CDC5L: variants seen among roughly 807,000 people sequenced by gnomAD.
CDC5L encodes cell division cycle 5-like protein.
A neutral mutation model predicts 104.1 loss-of-function variants in CDC5L; 18 were observed. The ratio of observed to expected loss-of-function variants is 0.17; its 90% CI spans 0.12 to 0.26. The LOEUF (loss-of-function observed/expected upper bound fraction) is 0.26. Ranked by LOEUF, CDC5L falls within the 10% of genes least tolerant of loss-of-function variation. The probability of loss-of-function intolerance (pLI) is 1.00; values close to 1 mark genes in which losing one functional copy is unlikely to be tolerated. For synonymous variants in CDC5L, 331 were observed against 322.7 expected, an observed-to-expected ratio of 1.03 and a Z score of -0.28; for missense variants, 673 against 956.9, an observed-to-expected ratio of 0.70 and a Z score of 3.91.
intron 4 of CDC5L, among the ~76,000 whole-genome samples, chr6:44,395,442 C>T (rs1790827731): frequency 6.6e-6 from 1 of 152,188 alleles, no homozygotes; most frequent in South Asian, 2.1e-4. Flanking sequence ...AGCTGTTTGA[C>T]CTTAGACAAG....
chr6:44,395,036 A>G (rs1790806305), intron 4 of CDC5L, among the ~76,000 whole-genome samples: 1 of 152,176 alleles, frequency 6.6e-6, no homozygotes, highest in Non-Finnish European at 1.5e-5. Context: ...AATACTGCAT[A>G]TTCTTCCTCA....
chr6:44,427,686 G>A (rs911227092), intron 13 of CDC5L, among the ~76,000 whole-genome samples: 2 of 152,006 alleles, frequency 1.3e-5, no homozygotes, highest in Non-Finnish European at 2.9e-5. Context: ...TCATTTTTTA[G>A]TAAGTGCAGT....
At chr6:44,424,111 CT>C (rs200199886) in intron 10 of CDC5L, among the ~76,000 whole-genome samples, 4 of 151,878 alleles carry the variant, frequency 2.6e-5, no homozygotes, top group Non-Finnish European at 4.4e-5. Flanking sequence ...TTTTTTGAGA[CT>C]TTTTTTCTCT....
chr6:44,435,631 T>C (rs1406641179), intron 14 of CDC5L: 1 of 153,382 alleles, frequency 6.5e-6, no homozygotes, highest in Non-Finnish European at 1.5e-5. Context: ...TATTGGACTT[T>C]CAAATAGGGC....
chr6:44,426,400 G>A (rs1167908075), intron 12 of CDC5L, 82 bp from the exon 13 acceptor site: 2 of 911,136 alleles, frequency 2.2e-6, no homozygotes, highest in African/African-American at 1.7e-5. Flanking sequence ...TAAAACCGCT[G>A]TTTAATTCAT....
At chr6:44,411,966 A>G (rs1020043806) in intron 8 of CDC5L, among the ~76,000 whole-genome samples, 1 of 152,184 alleles carries the variant, frequency 6.6e-6, no homozygotes, top group Admixed American at 6.5e-5. Flanking sequence ...GAGAAAACCT[A>G]ACCACTCACA....
intron 10 of CDC5L, 95 bp from the exon 11 acceptor site, chr6:44,424,324 T>C: frequency 9.6e-7 from 1 of 1,037,020 alleles, no homozygotes; most frequent in Non-Finnish European, 1.4e-6. Flanking sequence ...TTGACTAGAG[T>C]CACCCTGTTG....
Position 44,424,286 on chromosome 6 carries a change from CTTAG to C in CDC5L, c.1405-129_1405-126del, listed in dbSNP as rs2153381454. On this transcript the variant is annotated intron_variant, in intron 10 of 15. Transcript: ENST00000371477. ...TTGTGTTTGAAACCATCCAATTATTCTTAGTTATTTTAAAATGTACAGTTATTTT... is the reference window on the plus strand; with the variant it reads ...TTGTGTTTGAAACCATCCAATTATTCTTATTTTAAAATGTACAGTTATTTT... 6.6e-6 allele frequency: 5 copies of C among 755,474 alleles called. No homozygotes were observed. In the East Asian group the frequency reaches 8.0e-5, roughly 12 times the overall value. 46.8% of individuals were successfully genotyped at this position (755,474 alleles called of 1,614,324 possible).
Position 44,403,850 on chromosome 6 carries a change from C to G in CDC5L, c.581C>G (p.Ala194Gly). 2 of 1,612,076 alleles carry G rather than the reference C, an allele frequency of 1.2e-6. No homozygotes were observed. The highest frequency in any genetic ancestry group is 1.7e-6 in the Non-Finnish European group (2 of 1,179,502). ...ALQKRRELRAAGIEIQKKRKR... is the reference protein window; with the variant it reads ...ALQKRRELRAGGIEIQKKRKR... Reference sequence around the variant, plus strand: ...CAAAAAAGAAGAGAACTTCGAGCAGCTGGCATAGAAATTCAGAAGAAAAGA... The same window carrying G: ...CAAAAAAGAAGAGAACTTCGAGCAGGTGGCATAGAAATTCAGAAGAAAAGA... Residue 194 changes from alanine to glycine, a missense_variant, in exon 6 of 16, where the codon GCT becomes GGT. Coordinates refer to ENST00000371477, the MANE Select transcript of CDC5L (RefSeq NM_001253.4).
intron 14 of CDC5L, among the ~76,000 whole-genome samples, chr6:44,444,246 T>C (rs1793344647): frequency 6.6e-6 from 1 of 152,232 alleles, no homozygotes; most frequent in South Asian, 2.1e-4. Flanking sequence ...GTGTTGTGGC[T>C]GCACTCTACG....
In CDC5L at chr6:44,433,241, C is replaced by A. The variant is rs570952209; in HGVS notation, c.2091+3331C>A. On this transcript the variant is annotated intron_variant, in intron 14 of 15. Transcript: ENST00000371477. ...GGATAACAGCAAGGAACAAGGCAGA[C>A]AAGTTCTCTGTGTTTGTGGGCTTCA... is the stretch of plus-strand genomic sequence containing the variant. Among the ~76,000 whole-genome samples, 5 of 152,258 alleles carry A rather than the reference C, an allele frequency of 3.3e-5. No homozygotes were observed. The South Asian group carries it at 8.3e-4, about 25-fold the overall frequency.
chr6:44,426,533 T>A lies in CDC5L; in HGVS notation c.1702T>A (p.Leu568Ile). 1 of 1,599,664 alleles carries A rather than the reference T, an allele frequency of 6.3e-7. No homozygotes were observed. Among genetic ancestry groups the A allele is most frequent in the Non-Finnish European group, 8.6e-7 (1 of 1,167,296 alleles). Residue 568 changes from leucine (L) to isoleucine (I), a missense_variant, in exon 13 of 16, where the codon TTA becomes ATA. Transcript: ENST00000371477. ...AAATGTAGAACCGCCTTTAACAGATTTACAGAAAAGTGAAGAACTAATCAA... is the reference window on the plus strand; with the variant it reads ...AAATGTAGAACCGCCTTTAACAGATATACAGAAAAGTGAAGAACTAATCAA... Reference protein sequence around the residue: ...PLNVEPPLTDLQKSEELIKKE... With the variant: ...PLNVEPPLTDIQKSEELIKKE...
At chr6:44,388,875 C>T (rs11571902) in intron 1 of CDC5L, among the ~76,000 whole-genome samples, 3 of 152,054 alleles carry the variant, frequency 2.0e-5, no homozygotes, top group Non-Finnish European at 2.9e-5. Context: ...GTGTGGTACT[C>T]GGTAAGTTTC....
chr6:44,425,530 CAG>C (rs11572018), intron 11 of CDC5L, among the ~76,000 whole-genome samples: 14,508 of 152,068 alleles, frequency 0.095, 1,455 homozygotes, highest in East Asian at 0.55. Flanking sequence ...CCTTGAATCT[CAG>C]GGGATTGGAG....
rs556470735 is a variant in CDC5L at position 44,409,459 on chromosome 6, T to G, written c.1092+827T>G. 5.2e-5 allele frequency among the ~76,000 whole-genome samples: 8 copies of G among 152,392 alleles called. No individual in the cohort carries two copies. In the South Asian group the frequency reaches 1.7e-3, roughly 32 times the overall value. On this transcript the variant is annotated intron_variant, in intron 8 of 15. Transcript: ENST00000371477. ...TTATGACTCTGTAAATCCTATTCATTGCTAAACCATGAATTACCTTATAAT... is the reference window on the plus strand; with the variant it reads ...TTATGACTCTGTAAATCCTATTCATGGCTAAACCATGAATTACCTTATAAT...
chr6:44,427,250 G>C (rs1373609536), intron 13 of CDC5L, among the ~76,000 whole-genome samples: 1 of 152,102 alleles, frequency 6.6e-6, no homozygotes, highest in Non-Finnish European at 1.5e-5. Context: ...GTCTGTATCT[G>C]GTCTTTTCTT....
intron 5 of CDC5L, among the ~76,000 whole-genome samples, chr6:44,399,525 T>G (rs1791022483): frequency 6.6e-6 from 1 of 152,222 alleles, no homozygotes. Context: ...TCTATTCATG[T>G]TCTTCATTCT....
intron 6 of CDC5L, among the ~76,000 whole-genome samples, chr6:44,406,049 G>A (rs1430280005): frequency 9.9e-5 from 15 of 151,826 alleles, no homozygotes; most frequent in Admixed American, 2.6e-4. Context: ...TTACAGGCAC[G>A]CACCACTATG....
At chr6:44,442,436 C>G (rs1046940509) in intron 14 of CDC5L, among the ~76,000 whole-genome samples, 1 of 145,734 alleles carries the variant, frequency 6.9e-6, no homozygotes, top group Non-Finnish European at 1.5e-5. Flanking sequence ...TAGTGGTATG[C>G]TTTGGATTTT....
Sources: gnomAD v4.1 joint callset for allele counts (sites outside exome capture counted in the v4.1 genomes callset) on GRCh38, gnomAD v4.1.1 for gene constraint, MANE v1.5 for transcripts, NCBI Gene and HGNC (gene_info 2026-07-23, HGNC 2026-07-21) for gene names.